The following ARHGAP32 variants were observed in gnomAD, a reference collection of about 807,000 sequenced individuals.
ARHGAP32 encodes the protein Rho GTPase activating protein 32.
A neutral mutation model predicts 186.5 loss-of-function variants in ARHGAP32; 51 were observed. The observed-to-expected ratio is 0.27, with a 90% confidence interval of 0.22 to 0.35. ARHGAP32 has a LOEUF of 0.35. ARHGAP32 is among the 10% of genes least tolerant of loss of function. The probability of loss-of-function intolerance (pLI) is 1.00; values close to 1 mark genes in which losing one functional copy is unlikely to be tolerated. For missense variants in ARHGAP32, 2,186 were observed against 2,623.5 expected, an observed-to-expected ratio of 0.83 and a Z score of 3.64; for synonymous variants, 950 against 964.3, an observed-to-expected ratio of 0.99 and a Z score of 0.27.
chr11:129,018,707 C>T (rs1325030208), intron 11 of ARHGAP32, among the ~76,000 whole-genome samples: 1 of 152,076 alleles, frequency 6.6e-6, no homozygotes, highest in African/African-American at 2.4e-5. Context: ...AATAACTGGA[C>T]TCAAATTAAT....
In ARHGAP32 at chr11:128,969,738, C is replaced by T. The variant is rs764815582; in HGVS notation, c.5475G>A (p.Glu1825=). 1.2e-6 allele frequency: 2 copies of T among 1,614,032 alleles called. No homozygotes were observed. The highest frequency in any genetic ancestry group is 1.7e-6 in the Non-Finnish European group (2 of 1,180,034). ...TGLLSVAEGK[E]SRHAAKAISP... is the part of the protein sequence containing the mutation. ...TGATGGCCTTGGCTGCATGGCGGCTCTCCTTTCCTTCTGCCACTGAGAGAA... is the reference window on the plus strand; with the variant it reads ...TGATGGCCTTGGCTGCATGGCGGCTTTCCTTTCCTTCTGCCACTGAGAGAA... Residue 1825 remains glutamate (E), a synonymous_variant, in exon 23 of 23, where the codon GAG becomes GAA. Transcript: ENST00000682385. This position sits in a 1 kb window ranked among gnomAD's most constrained non-coding sequence, Gnocchi z 4.8.
chr11:129,192,242 A>G lies in ARHGAP32; in HGVS notation c.-44T>C, dbSNP rs746879532. 7.2e-7 allele frequency: 1 copy of G among 1,390,142 alleles called. No individual in the cohort carries two copies. The highest frequency in any genetic ancestry group is 1.7e-5 in the Admixed American group (1 of 59,058). The allele number at this position is 1,390,142 out of a possible 1,614,324, so 86.1% of individuals were successfully genotyped here. On this transcript the variant is annotated 5_prime_UTR_variant, in exon 1 of 23. Coordinates refer to ENST00000682385, the MANE Select transcript of ARHGAP32 (RefSeq NM_001378024.1). ...AAAAAACTAAACCTCCAGGCATGGA[A>G]TAAAAAGCACCAACATTCAGGTTGT...
intron 1 of ARHGAP32, among the ~76,000 whole-genome samples, chr11:129,264,781 T>A (rs1020931382): frequency 9.2e-5 from 14 of 152,058 alleles, no homozygotes; most frequent in African/African-American, 3.4e-4. Context: ...TGAAAAGAAA[T>A]TGGGAAAACT....
Position 128,967,788 on chromosome 11 carries a change from T to C in ARHGAP32, c.*1119A>G, listed in dbSNP as rs976253485. ...TGAACTAAGCAGTTATTGCAGGAAC[T>C]TGCAGTCTAATAATAGATAATGCGT... On this transcript the variant is annotated 3_prime_UTR_variant, in exon 23 of 23. Transcript: ENST00000682385. 1.3e-5 allele frequency: 2 copies of C among 152,184 alleles called. No homozygotes were observed. Among genetic ancestry groups the C allele is most frequent in the Non-Finnish European group, 2.9e-5 (2 of 68,028 alleles). The allele number at this position is 152,184 out of a possible 1,614,324, so 9.4% of individuals were successfully genotyped here. A position where few individuals can be genotyped will look rare whatever the true frequency, so the allele number is the denominator to read the frequency against.
At chr11:129,146,570 C>T (rs971298808) in intron 2 of ARHGAP32, among the ~76,000 whole-genome samples, 4 of 152,026 alleles carry the variant, frequency 2.6e-5, no homozygotes, top group Non-Finnish European at 5.9e-5. Context: ...AAATATTTTA[C>T]TTTTAGTAAT....
chr11:129,066,929 G>A, intron 6 of ARHGAP32, 61 bp from the exon 7 acceptor site: 3 of 1,335,154 alleles, frequency 2.2e-6, no homozygotes, highest in Non-Finnish European at 2.1e-6. Flanking sequence ...TTATGAATCA[G>A]GCCATATTCT....
chr11:129,076,702 A>G (rs1475211641), intron 6 of ARHGAP32, among the ~76,000 whole-genome samples: 1 of 152,212 alleles, frequency 6.6e-6, no homozygotes. Context: ...AATCCATAGC[A>G]TTGAACGCAT....
chr11:129,100,367 C>T (rs1264022187), intron 5 of ARHGAP32, among the ~76,000 whole-genome samples: 1 of 152,162 alleles, frequency 6.6e-6, no homozygotes, highest in Non-Finnish European at 1.5e-5. Context: ...GGCAGCCTCA[C>T]ATGTCCTGGG....
chr11:129,184,844 T>C (rs1027304275), intron 1 of ARHGAP32, among the ~76,000 whole-genome samples: 4 of 152,186 alleles, frequency 2.6e-5, no homozygotes, highest in African/African-American at 9.6e-5. Flanking sequence ...CATTTGAGCT[T>C]ATACAAGAAA....
At chr11:129,104,126 G>T (rs549449687) in intron 5 of ARHGAP32, among the ~76,000 whole-genome samples, 1 of 151,990 alleles carries the variant, frequency 6.6e-6, no homozygotes, top group Non-Finnish European at 1.5e-5. Context: ...ATTTTCTGAT[G>T]AACAAAAACT....
At chr11:129,149,912 T>C (rs917200265) in intron 2 of ARHGAP32, among the ~76,000 whole-genome samples, 12 of 151,616 alleles carry the variant, frequency 7.9e-5, no homozygotes, top group African/African-American at 2.4e-4. Context: ...AGGATATAGA[T>C]AGGAAATTCT....
At chr11:129,012,658 T>TA (rs1454101556) in intron 11 of ARHGAP32, among the ~76,000 whole-genome samples, 1 of 152,008 alleles carries the variant, frequency 6.6e-6, no homozygotes, top group African/African-American at 2.4e-5. Context: ...TAACTGATCA[T>TA]AAAAGATCAA....
intron 11 of ARHGAP32, among the ~76,000 whole-genome samples, chr11:129,019,165 G>T (rs970311135): frequency 6.6e-6 from 1 of 152,132 alleles, no homozygotes; most frequent in Admixed American, 6.5e-5. Flanking sequence ...TCTGTTTTGT[G>T]ATAGCTCTGC....
intron 5 of ARHGAP32, among the ~76,000 whole-genome samples, chr11:129,103,256 A>G (rs1212902099): frequency 6.6e-6 from 1 of 152,216 alleles, no homozygotes; most frequent in Non-Finnish European, 1.5e-5. Flanking sequence ...GAAAATGCGA[A>G]AAATGATTTT....
chr11:129,106,551 T>G (rs1355698795), intron 5 of ARHGAP32, among the ~76,000 whole-genome samples: 1 of 151,792 alleles, frequency 6.6e-6, no homozygotes, highest in Non-Finnish European at 1.5e-5. Flanking sequence ...AGGAAAAGAT[T>G]TAAAAACTAA....
At chr11:129,144,238 GA>G (rs1426683054) in intron 2 of ARHGAP32, among the ~76,000 whole-genome samples, 7 of 152,052 alleles carry the variant, frequency 4.6e-5, no homozygotes, top group East Asian at 3.9e-4. Context: ...CAGTACTAAG[GA>G]AAAAAATAAT....
intron 1 of ARHGAP32, among the ~76,000 whole-genome samples, chr11:129,231,825 G>T (rs1944862903): frequency 6.6e-6 from 1 of 151,726 alleles, no homozygotes; most frequent in South Asian, 2.1e-4. Context: ...AGGAGTTCAA[G>T]ACCAGCCTGG....
rs750101348 is a variant in ARHGAP32 at position 129,064,811 on chromosome 11, A to AT, written c.762+29dup. 3 of 1,501,340 alleles carry AT rather than the reference A, an allele frequency of 2.0e-6. No homozygotes were observed. In the East Asian group the frequency reaches 7.4e-5, roughly 37 times the overall value. The allele number at this position is 1,501,340 out of a possible 1,614,324, so 93.0% of individuals were successfully genotyped here. A position where few individuals can be genotyped will look rare whatever the true frequency, so the allele number is the denominator to read the frequency against. Reference sequence around the variant, plus strand: ...TCTTAAGTAGATAATTTAAATATACATTTTTCATGAAAAGTGAATTAGGAA... The same window carrying AT: ...TCTTAAGTAGATAATTTAAATATACATTTTTTCATGAAAAGTGAATTAGGAA... On this transcript the variant is annotated intron_variant, in intron 8 of 22. Transcript: ENST00000682385.
intron 6 of ARHGAP32, among the ~76,000 whole-genome samples, chr11:129,086,782 C>T (rs1941418565): frequency 6.8e-6 from 1 of 146,574 alleles, no homozygotes; most frequent in Non-Finnish European, 1.5e-5. Context: ...GATTGCGCCA[C>T]TGCACTCCAG....
Sources: allele counts gnomAD v4.1 joint callset (sites outside exome capture counted in the v4.1 genomes callset), GRCh38; gene constraint gnomAD v4.1.1; non-coding constraint Gnocchi (gnomAD v3.1); transcripts MANE v1.5; gene names NCBI Gene and HGNC (gene_info 2026-07-23, HGNC 2026-07-21).